CDIP1: variants seen among roughly 807,000 people sequenced by gnomAD.
The protein encoded by CDIP1 is cell death-inducing p53-target protein 1.
A neutral mutation model predicts 17.7 loss-of-function variants in CDIP1; 9 were observed. The ratio of observed to expected loss-of-function variants is 0.51; its 90% CI spans 0.31 to 0.89. The LOEUF is 0.89. Ranked by LOEUF, CDIP1 falls within the 40% of genes least tolerant of loss-of-function variation. CDIP1 has a pLI of 0.05. For missense variants in CDIP1, 263 were observed against 277.9 expected (o/e 0.95, Z 0.38); for synonymous variants, 117 against 109.5 (o/e 1.07, Z -0.43).
intron 1 of CDIP1, among the ~76,000 whole-genome samples, chr16:4,537,746 A>T (rs2141667650): frequency 6.6e-6 from 1 of 152,354 alleles, no homozygotes; most frequent in East Asian, 1.9e-4. Context: ...GGTGGTTCTG[A>T]CGCAGAGGAT....
chr16:4,533,169 G>C (rs530332724), intron 1 of CDIP1: 1 of 152,402 alleles, frequency 6.6e-6, no homozygotes, highest in South Asian at 2.1e-4. Flanking sequence ...TCGCCTCTGT[G>C]ACAGCAGGTG....
intron 1 of CDIP1, chr16:4,538,230 C>G (rs970299085): frequency 1.3e-5 from 2 of 152,254 alleles, no homozygotes; most frequent in African/African-American, 2.4e-5. Context: ...ACCGCAGCGG[C>G]TTCGACATCC....
At chr16:4,527,536 G>A (rs1427737861) in intron 1 of CDIP1, among the ~76,000 whole-genome samples, 3 of 151,520 alleles carry the variant, frequency 2.0e-5, no homozygotes, top group Admixed American at 6.6e-5. Context: ...AAAACCTCCT[G>A]GCAAACCACT....
intron 1 of CDIP1, among the ~76,000 whole-genome samples, chr16:4,520,187 C>CTGCA (rs1306869888): frequency 6.6e-6 from 1 of 151,746 alleles, no homozygotes; most frequent in African/African-American, 2.4e-5. Flanking sequence ...TCTTGGCTCA[C>CTGCA]TGCAGCCTCC....
intron 1 of CDIP1, among the ~76,000 whole-genome samples, chr16:4,517,942 C>T (rs1265726647): frequency 6.6e-6 from 1 of 152,196 alleles, no homozygotes; most frequent in East Asian, 1.9e-4. Context: ...GCCCCTGCTA[C>T]AAACTCCCAG....
intron 1 of CDIP1, among the ~76,000 whole-genome samples, chr16:4,516,498 G>T (rs181636915): frequency 4.6e-4 from 70 of 152,186 alleles, no homozygotes; most frequent in Non-Finnish European, 8.8e-4. Flanking sequence ...CTGCTGGTCT[G>T]TATGCACAGG....
intron 1 of CDIP1, among the ~76,000 whole-genome samples, chr16:4,529,082 G>A (rs546493009): frequency 2.2e-4 from 34 of 152,170 alleles, no homozygotes; most frequent in Non-Finnish European, 4.7e-4. Context: ...AAAATGCTCT[G>A]CAGAGCAAGC....
rs775208169 is a variant in CDIP1, at chr16:4,513,844, G to T, written c.93C>A (p.Ser31=). 54 of 1,578,626 alleles carry T rather than the reference G, an allele frequency of 3.4e-5. No homozygotes were observed. Among genetic ancestry groups the T allele is most frequent in the Non-Finnish European group, 4.4e-5 (51 of 1,163,052 alleles). The change falls in exon 4 of 6, where the codon TCC becomes TCA. Residue 31 remains serine, a synonymous_variant. Coordinates refer to ENST00000567695, the MANE Select transcript of CDIP1 (RefSeq NM_013399.3). This position sits in a 1 kb window ranked among gnomAD's most constrained non-coding sequence, Gnocchi z 4.1. ...GAGGGGGCTGCATCACAGCTGGGGA[G>T]GAACGGCCTGGACAGAGAGAGGCAG... ...KSGAPPTPGR[S]SPAVMQPPPG...
chr16:4,525,774 T>C (rs1480717181), intron 1 of CDIP1, among the ~76,000 whole-genome samples: 1 of 152,186 alleles, frequency 6.6e-6, no homozygotes, highest in Non-Finnish European at 1.5e-5. Flanking sequence ...AGGTTGCCAA[T>C]GTGTCCCCTT....
At chr16:4,517,868 C>T (rs1161484822) in intron 1 of CDIP1, among the ~76,000 whole-genome samples, 1 of 152,184 alleles carries the variant, frequency 6.6e-6, no homozygotes, top group Admixed American at 6.5e-5. Flanking sequence ...AGAGGGCAGC[C>T]TTTCATGGGG....
rs1476867137 is a variant in CDIP1 at position 4,535,009 on chromosome 16, C to T, written c.-105+3693G>A. ...CTGGGATTACAGGCATGAGCCACAG[C>T]ACCCGGCCTGCATGTTAATCAGAAT... On this transcript the variant is annotated intron_variant, in intron 1 of 5. Transcript: ENST00000567695. 2.0e-5 allele frequency among the ~76,000 whole-genome samples: 3 copies of T among 152,276 alleles called. No individual in the cohort carries two copies. The East Asian group carries it at 5.8e-4, about 29-fold the overall frequency.
rs1341180016 is a variant in CDIP1 at position 4,512,103 on chromosome 16, C to T, written c.*469G>A. 4 of 173,760 alleles carry T rather than the reference C, an allele frequency of 2.3e-5. No homozygotes were observed. Among genetic ancestry groups the T allele is most frequent in the South Asian group, 1.3e-4 (1 of 7,952 alleles). 10.8% of individuals were successfully genotyped at this position (173,760 alleles called of 1,614,324 possible). On this transcript the variant is annotated 3_prime_UTR_variant, in exon 6 of 6. Transcript: ENST00000567695. The surrounding 1 kb of genome is among the most constrained non-coding windows in gnomAD (Gnocchi z 4.6). The stretch of plus-strand genomic sequence containing the variant: ...ACCCAGGCTTTGTGACCCTGTCCTA[C>T]GTGGGCCCACCTGACTCCAGACAAC...
At position 4,514,049 on chromosome 16, in the gene CDIP1, G is replaced by C. The variant is rs768236257; in HGVS notation, c.82C>G (p.Pro28Ala). The change falls in exon 3 of 6, where the codon CCA becomes GCA. Residue 28 changes from proline to alanine, a missense_variant. Coordinates refer to ENST00000567695, the MANE Select transcript of CDIP1 (RefSeq NM_013399.3). The surrounding 1 kb of genome is among the most constrained non-coding windows in gnomAD (Gnocchi z 5.2). ...CTCAGGAACAGTGACCCCCTACCTGGGGTGGGCGGGGCTCCACTTTTCTCT... is the reference window on the plus strand; with the variant it reads ...CTCAGGAACAGTGACCCCCTACCTGCGGTGGGCGGGGCTCCACTTTTCTCT... Reference protein sequence around the residue: ...LEEKSGAPPTPGRSSPAVMQP... With the variant: ...LEEKSGAPPTAGRSSPAVMQP... 4 of 1,507,388 alleles carry C rather than the reference G, an allele frequency of 2.7e-6. No homozygotes were observed. In the African/African-American group the frequency reaches 5.8e-5, roughly 22 times the overall value. The allele number at this position is 1,507,388 out of a possible 1,614,324, so 93.4% of individuals were successfully genotyped here. A position where few individuals can be genotyped will look rare whatever the true frequency, so the allele number is the denominator to read the frequency against.
chr16:4,516,667 A>G (rs1423314194), intron 1 of CDIP1, among the ~76,000 whole-genome samples: 5 of 151,398 alleles, frequency 3.3e-5, no homozygotes, highest in Non-Finnish European at 7.4e-5. Flanking sequence ...ACCATATAAA[A>G]ATATAGTTGC....
intron 1 of CDIP1, among the ~76,000 whole-genome samples, chr16:4,525,725 G>A (rs1191006332): frequency 2.6e-5 from 4 of 152,204 alleles, no homozygotes; most frequent in Non-Finnish European, 4.4e-5. Context: ...CAGTTGCAGA[G>A]CAGCCTCTAG....
chr16:4,516,337 T>C (rs903041879), intron 1 of CDIP1, among the ~76,000 whole-genome samples: 2 of 152,142 alleles, frequency 1.3e-5, no homozygotes, highest in Admixed American at 6.5e-5. Flanking sequence ...GTAGCAACAG[T>C]TGAACGATTC....
chr16:4,511,444 G>A lies in CDIP1; in HGVS notation c.*1128C>T, dbSNP rs1163005048. 1 of 152,740 alleles carries A rather than the reference G, an allele frequency of 6.5e-6. No individual in the cohort carries two copies. 9.5% of individuals were successfully genotyped at this position (152,740 alleles called of 1,614,324 possible). On this transcript the variant is annotated 3_prime_UTR_variant, in exon 6 of 6. Coordinates refer to ENST00000567695, the MANE Select transcript of CDIP1 (RefSeq NM_013399.3). ...CCAGGAAGGACAGTGGCAGGATACA[G>A]TGGTCCAGGTGAGCAAGTTCACAAA...
chr16:4,528,542 C>T (rs2059023583), intron 1 of CDIP1, among the ~76,000 whole-genome samples: 1 of 152,060 alleles, frequency 6.6e-6, no homozygotes, highest in Admixed American at 6.6e-5. Flanking sequence ...ATAAGTCAGA[C>T]ACAGTGGCTC....
At chr16:4,531,104 T>C (rs899773103) in intron 1 of CDIP1, among the ~76,000 whole-genome samples, 14 of 151,742 alleles carry the variant, frequency 9.2e-5, no homozygotes, top group Admixed American at 7.9e-4. Flanking sequence ...TCTCGGCTCA[T>C]TGCAACCTCC....
Sources: allele counts gnomAD v4.1 joint callset (sites outside exome capture counted in the v4.1 genomes callset), GRCh38; gene constraint gnomAD v4.1.1; non-coding constraint Gnocchi (gnomAD v3.1); transcripts MANE v1.5; gene names NCBI Gene and HGNC (gene_info 2026-07-23, HGNC 2026-07-21).